The following ARVCF variants were observed in gnomAD, a reference collection of about 807,000 sequenced individuals.
The protein encoded by ARVCF is ARVCF delta catenin family member.
Under a neutral mutation model 90.9 loss-of-function variants are expected in ARVCF, and 66 were observed. The ratio of observed to expected loss-of-function variants is 0.73; its 90% CI spans 0.60 to 0.89. The LOEUF is 0.89. ARVCF is among the 40% of genes least tolerant of loss of function. The pLI is 0.00. For synonymous variants in ARVCF, 653 were observed against 603.4 expected, an observed-to-expected ratio of 1.08 and a Z score of -1.21; for missense variants, 1,469 against 1,382.3, an observed-to-expected ratio of 1.06 and a Z score of -1.00.
chr22:19,987,223 C>T (rs1310184750), intron 3 of ARVCF: 14 of 256,022 alleles, frequency 5.5e-5, no homozygotes, highest in Non-Finnish European at 8.9e-5. Flanking sequence ...GATCTGGCGG[C>T]GGTCACGGCG....
chr22:20,005,451 T>A (rs2146468515), intron 2 of ARVCF, among the ~76,000 whole-genome samples: 1 of 151,952 alleles, frequency 6.6e-6, no homozygotes, highest in Non-Finnish European at 1.5e-5. Context: ...GTAAGATCAG[T>A]ATGGCAATTC....
At position 19,971,877 on chromosome 22, in the gene ARVCF, A is replaced by G. The variant is rs751278797; in HGVS notation, c.2781+9T>C. On this transcript the variant is annotated intron_variant, in intron 18 of 19. Transcript: ENST00000263207. ...CCGGGGACCTGCCCACAGCCACATG[A>G]CCACTTACTTTCAAGGGTTCCTTCT... 1 of 1,613,180 alleles carries G rather than the reference A, an allele frequency of 6.2e-7. No homozygotes were observed. Among genetic ancestry groups the G allele is most frequent in the Admixed American group, 1.7e-5 (1 of 59,994 alleles).
At chr22:19,996,800 G>A (rs546928308) in intron 2 of ARVCF, among the ~76,000 whole-genome samples, 2 of 152,270 alleles carry the variant, frequency 1.3e-5, no homozygotes, top group African/African-American at 4.8e-5. Flanking sequence ...GGGCCAGGGC[G>A]GTGCCCACTG....
In ARVCF at chr22:19,971,288, C is replaced by A. The variant is rs35219372; in HGVS notation, c.2829G>T (p.Ala943=). Reference sequence around the variant, plus strand: ...CCCCTACGGCGTCCACCAGCCTGACCGCGGGCCTGCTGGGCCCGGGGGGAG... The same window carrying A: ...CCCCTACGGCGTCCACCAGCCTGACAGCGGGCCTGCTGGGCCCGGGGGGAG... ...KAPPPGPSRP[A]VRLVDAVGDA... is the part of the protein sequence containing the mutation. The change falls in exon 19 of 20, where the codon GCG becomes GCT. Residue 943 remains alanine, a synonymous_variant. Transcript: ENST00000263207. 6 of 1,556,898 alleles carry A rather than the reference C, an allele frequency of 3.9e-6. No individual in the cohort carries two copies. Among genetic ancestry groups the A allele is most frequent in the Non-Finnish European group, 5.2e-6 (6 of 1,149,776 alleles).
chr22:19,979,686 T>C (rs1411385633), intron 6 of ARVCF, 57 bp downstream of exon 6: 4 of 1,519,932 alleles, frequency 2.6e-6, no homozygotes, highest in Admixed American at 3.8e-5. Context: ...TCCTCCCGGG[T>C]TGAGCCTCAC....
rs1402492710 is a variant in ARVCF, at chr22:19,980,138, C to T, written c.1001G>A (p.Gly334Asp). The change falls in exon 6 of 20, where the codon GGC becomes GAC. Residue 334 changes from glycine to aspartate, a missense_variant. Physicochemically the swap from Gly to Asp is moderately conservative, Grantham distance 94 (BLOSUM62 -1). Coordinates refer to ENST00000263207, the MANE Select transcript of ARVCF (RefSeq NM_001670.3). ...GCGCCGCACCAGCCGGTCCAGGCTGCCCATGCTGCCCCGTTCAGGCTGGGC... is the reference window on the plus strand; with the variant it reads ...GCGCCGCACCAGCCGGTCCAGGCTGTCCATGCTGCCCCGTTCAGGCTGGGC... ...PLAQPERGSM[G>D]SLDRLVRRSP... is the part of the protein sequence containing the mutation. The T allele has an allele frequency of 1.9e-6, 3 of 1,591,840 alleles. No homozygotes were observed. Among genetic ancestry groups the T allele is most frequent in the Non-Finnish European group, 2.6e-6 (3 of 1,171,996 alleles).
chr22:20,001,946 C>T (rs941206154), intron 2 of ARVCF, among the ~76,000 whole-genome samples: 1 of 152,154 alleles, frequency 6.6e-6, no homozygotes, highest in Non-Finnish European at 1.5e-5. Context: ...TCCTCCCAAC[C>T]CCAACAGCAA....
Position 19,977,875 on chromosome 22 carries a change from C to CAGCA in ARVCF, c.1698+82_1698+83insTGCT, listed in dbSNP as rs1943250238. On this transcript the variant is annotated intron_variant, in intron 8 of 19. Coordinates refer to ENST00000263207, the MANE Select transcript of ARVCF (RefSeq NM_001670.3). The stretch of plus-strand genomic sequence containing the variant: ...AGACCCACAAGCCCATTCCCCTGTG[C>CAGCA]TGCTCCCACAGTTCCAGCCTCCTGG... 2.1e-6 allele frequency: 3 copies of CAGCA among 1,446,436 alleles called. No homozygotes were observed. In the African/African-American group the frequency reaches 4.2e-5, roughly 20 times the overall value. The allele number at this position is 1,446,436 out of a possible 1,614,324, so 89.6% of individuals were successfully genotyped here. A position where few individuals can be genotyped will look rare whatever the true frequency, so the allele number is the denominator to read the frequency against.
downstream of ARVCF, chr22:19,969,130 G>A (rs995362599): frequency 1.0e-4 from 21 of 204,542 alleles, no homozygotes; most frequent in Admixed American, 1.1e-4. Flanking sequence ...CGCTAAGGGC[G>A]GGGCCCCTAG....
chr22:19,968,192 C>T (rs927780429), downstream of ARVCF, among the ~76,000 whole-genome samples: 1 of 152,214 alleles, frequency 6.6e-6, no homozygotes, highest in Non-Finnish European at 1.5e-5. Flanking sequence ...GTTCCTGGCA[C>T]TGGGTGTTGA....
At chr22:20,001,821 G>A (rs1438135826) in intron 2 of ARVCF, among the ~76,000 whole-genome samples, 1 of 152,076 alleles carries the variant, frequency 6.6e-6, no homozygotes, top group Non-Finnish European at 1.5e-5. Context: ...AAGAAAAGGA[G>A]CCGCTATAAA....
chr22:19,997,533 T>G (rs1944296379), intron 2 of ARVCF, among the ~76,000 whole-genome samples: 1 of 152,190 alleles, frequency 6.6e-6, no homozygotes, highest in East Asian at 1.9e-4. Flanking sequence ...CAGCCCCCAA[T>G]GCCCTTCCTG....
In ARVCF at chr22:19,970,065, G is replaced by A. The variant is rs904423319; in HGVS notation, c.*691C>T. 44 of 985,492 alleles carry A rather than the reference G, an allele frequency of 4.5e-5. No homozygotes were observed. The highest frequency in any genetic ancestry group is 4.9e-5 in the Non-Finnish European group (41 of 830,008). 61.0% of individuals were successfully genotyped at this position (985,492 alleles called of 1,614,324 possible). A position where few individuals can be genotyped will look rare whatever the true frequency, so the allele number is the denominator to read the frequency against. On this transcript the variant is annotated 3_prime_UTR_variant, in exon 20 of 20. Coordinates refer to ENST00000263207, the MANE Select transcript of ARVCF (RefSeq NM_001670.3). ...CCAGCCACTGCCGAAGGTCAGTCCC[G>A]GAGGTGCTGCCCAGGCTCCAGGCAG... is the stretch of plus-strand genomic sequence containing the variant.
At chr22:20,009,682 C>T (rs1298020177) in intron 2 of ARVCF, among the ~76,000 whole-genome samples, 1 of 152,244 alleles carries the variant, frequency 6.6e-6, no homozygotes, top group East Asian at 1.9e-4. Flanking sequence ...CAGGGTATGC[C>T]TTACCATCCT....
intron 8 of ARVCF, 63 bp from the exon 9 acceptor site, chr22:19,977,649 G>C: frequency 2.7e-6 from 4 of 1,477,302 alleles, no homozygotes; most frequent in Non-Finnish European, 3.6e-6. Flanking sequence ...CCTCAGGAAA[G>C]ACTGGCCACA....
At chr22:19,992,944 G>A (rs1366771898) in intron 2 of ARVCF, among the ~76,000 whole-genome samples, 1 of 152,212 alleles carries the variant, frequency 6.6e-6, no homozygotes, top group African/African-American at 2.4e-5. Context: ...GCCACAGTGG[G>A]AAGGTGACCA....
At position 19,977,452 on chromosome 22, in the gene ARVCF, C is replaced by T; in HGVS notation, c.1833G>A (p.Arg611=). The change falls in exon 9 of 20, where the codon CGG becomes CGA. Residue 611 remains arginine (R), a synonymous_variant. Transcript: ENST00000263207. Reference sequence around the variant, plus strand: ...TGCCTCCAAAGCAGCTGGCATCATCCCGCCTCCGGCGCTGGGAGCCTACAG... The same window carrying T: ...TGCCTCCAAAGCAGCTGGCATCATCTCGCCTCCGGCGCTGGGAGCCTACAG... ...GSAVGSQRRR[R]DDASCFGGKK... 1 of 1,558,754 alleles carries T rather than the reference C, an allele frequency of 6.4e-7. No homozygotes were observed. The highest frequency in any genetic ancestry group is 8.7e-7 in the Non-Finnish European group (1 of 1,152,552).
In ARVCF at chr22:19,973,635, G is replaced by A. The variant is rs773599594; in HGVS notation, c.2239+8C>T. The A allele has an allele frequency of 1.9e-5, 30 of 1,600,924 alleles. 1 individual carries two copies. In the South Asian group the frequency reaches 3.0e-4, roughly 16 times the overall value. ...GTGCCCAGGCGTGGGCTTTGCAGGC[G>A]TCCTCACCGATGAGGTCTTTGTTGC... On this transcript the variant is annotated splice_region_variant and intron_variant, in intron 13 of 19. Coordinates refer to ENST00000263207, the MANE Select transcript of ARVCF (RefSeq NM_001670.3).
chr22:19,968,799 G>C, downstream of ARVCF: 1 of 1,511,686 alleles, frequency 6.6e-7, no homozygotes, highest in Non-Finnish European at 9.0e-7. Context: ...TGCCAGACGT[G>C]CTCCTGCTGA....
Sources: allele counts gnomAD v4.1 joint callset (sites outside exome capture counted in the v4.1 genomes callset), GRCh38; gene constraint gnomAD v4.1.1; transcripts MANE v1.5; gene names NCBI Gene and HGNC (gene_info 2026-07-23, HGNC 2026-07-21).